The following BCL11B variants were observed in gnomAD, a reference collection of about 807,000 sequenced individuals.
The protein encoded by BCL11B is B-cell lymphoma/leukemia 11B.
A neutral mutation model predicts 49.9 loss-of-function variants in BCL11B; 8 were observed. The ratio of observed to expected loss-of-function variants is 0.16; its 90% CI spans 0.09 to 0.29. The LOEUF is 0.29. BCL11B is among the 10% of genes least tolerant of loss of function. The pLI, the probability that BCL11B is intolerant of heterozygous loss-of-function variation, is 1.00. For missense variants in BCL11B, 1,006 were observed against 1,351.0 expected (o/e 0.74, Z 4.00); for synonymous variants, 739 against 637.4 (o/e 1.16, Z -2.40).
In BCL11B at chr14:99,183,099, A is replaced by T. The variant is rs112829216; in HGVS notation, c.641-6904T>A. Among the ~76,000 whole-genome samples the T allele has an allele frequency of 3.7e-3, 558 of 152,232 alleles. 5 individuals carry two copies. The highest frequency in any genetic ancestry group is 0.013 in the African/African-American group (523 of 41,520). Reference sequence around the variant, plus strand: ...CCCCCAGTAACCACTCCATTATTTAATGCAAATTATGAGTGACGCTAGGAG... The same window carrying T: ...CCCCCAGTAACCACTCCATTATTTATTGCAAATTATGAGTGACGCTAGGAG... On this transcript the variant is annotated intron_variant, in intron 3 of 3. Transcript: ENST00000357195.
intron 3 of BCL11B, among the ~76,000 whole-genome samples, chr14:99,219,408 C>T (rs1253399158): frequency 6.6e-6 from 1 of 152,184 alleles, no homozygotes; most frequent in Non-Finnish European, 1.5e-5. Context: ...GACACCAATA[C>T]AGGACAATAG....
rs1325977395 is a variant in BCL11B, at chr14:99,231,108, A to T, written c.640+237T>A. Among the ~76,000 whole-genome samples the T allele has an allele frequency of 6.6e-6, 1 of 152,184 alleles. No homozygotes were observed. Among genetic ancestry groups the T allele is most frequent in the Non-Finnish European group, 1.5e-5 (1 of 68,018 alleles). ...GCGGGATTGGGAGGCTGGGGAATGC[A>T]TTCTGGGAGCAAGACTCTCAGAACG... On this transcript the variant is annotated intron_variant, in intron 3 of 3. Coordinates refer to ENST00000357195, the MANE Select transcript of BCL11B (RefSeq NM_138576.4). The surrounding 1 kb of genome is among the most constrained non-coding windows in gnomAD (Gnocchi z 8.1).
intron 1 of BCL11B, among the ~76,000 whole-genome samples, chr14:99,269,852 G>A (rs1430956044): frequency 8.3e-6 from 1 of 120,024 alleles, no homozygotes; most frequent in Non-Finnish European, 1.6e-5. Context: ...GGCACCCAGA[G>A]GATGTTTTAT....
chr14:99,246,299 C>G (rs1026253446), intron 2 of BCL11B, among the ~76,000 whole-genome samples: 3 of 152,224 alleles, frequency 2.0e-5, no homozygotes, highest in Non-Finnish European at 4.4e-5. Flanking sequence ...ATTAAGCCCC[C>G]GAATTATGCA....
chr14:99,251,832 G>A (rs1482543349), intron 2 of BCL11B, among the ~76,000 whole-genome samples: 1 of 152,150 alleles, frequency 6.6e-6, no homozygotes, highest in Admixed American at 6.5e-5. Flanking sequence ...CAGCCAGACA[G>A]ACAGAGTTAG....
At chr14:99,217,493 A>C (rs541541355) in intron 3 of BCL11B, among the ~76,000 whole-genome samples, 1 of 152,114 alleles carries the variant, frequency 6.6e-6, no homozygotes, top group Non-Finnish European at 1.5e-5. Context: ...AGAAAATTAC[A>C]TGAGGCAATG....
rs771413857 is a variant in BCL11B at position 99,175,740 on chromosome 14, G to T, written c.1096C>A (p.Arg366=). The change falls in exon 4 of 4, where the codon CGG becomes AGG. Residue 366 remains arginine, a synonymous_variant. Coordinates refer to ENST00000357195, the MANE Select transcript of BCL11B (RefSeq NM_138576.4). ...IDSPAMDFSR[R]LRELAGNSST... is the part of the protein sequence containing the mutation. Reference sequence around the variant, plus strand: ...CTGTTGCCCGCCAGCTCGCGGAGCCGCCGCGAGAAGTCCATGGCGGGCGAG... The same window carrying T: ...CTGTTGCCCGCCAGCTCGCGGAGCCTCCGCGAGAAGTCCATGGCGGGCGAG... 3.4e-5 allele frequency: 51 copies of T among 1,479,140 alleles called. No homozygotes were observed. The highest frequency in any genetic ancestry group is 4.0e-5 in the Non-Finnish European group (45 of 1,130,484). The allele number at this position is 1,479,140 out of a possible 1,614,324, so 91.6% of individuals were successfully genotyped here.
intron 2 of BCL11B, among the ~76,000 whole-genome samples, chr14:99,250,779 C>T (rs774745842): frequency 9.9e-5 from 15 of 152,190 alleles, no homozygotes; most frequent in Admixed American, 2.0e-4. Flanking sequence ...CTTTTTCTTA[C>T]CTTATCTCTC....
chr14:99,197,355 T>G (rs1887207130), intron 3 of BCL11B, among the ~76,000 whole-genome samples: 1 of 152,194 alleles, frequency 6.6e-6, no homozygotes, highest in Admixed American at 6.5e-5. Context: ...CTCTTGCCAG[T>G]CAGCTGAAGT....
At chr14:99,252,857 C>T (rs1331932298) in intron 2 of BCL11B, among the ~76,000 whole-genome samples, 1 of 152,244 alleles carries the variant, frequency 6.6e-6, no homozygotes, top group East Asian at 1.9e-4. Context: ...TGATCAAGCG[C>T]CTCCCCTTCA....
rs1460285746 is a variant in BCL11B at position 99,175,337 on chromosome 14, G to C, written c.1499C>G (p.Pro500Arg). The C allele has an allele frequency of 6.4e-7, 1 of 1,552,734 alleles. No individual in the cohort carries two copies. Among genetic ancestry groups the C allele is most frequent in the Non-Finnish European group, 8.7e-7 (1 of 1,154,792 alleles). ...CTCGCCCGCCAGCTCGCTGGTGCCG[G>C]GCTCGGGGGAGCTGGCGGCCGAGAG... ...DGLSAASSPE[P>R]GTSELAGEGL... The change falls in exon 4 of 4, where the codon CCC becomes CGC. Residue 500 changes from proline to arginine, a missense_variant. Physicochemically the swap from Pro to Arg is moderately radical, Grantham distance 103 (BLOSUM62 -2). Transcript: ENST00000357195.
At position 99,171,721 on chromosome 14, in the gene BCL11B, T is replaced by C. The variant is rs1882104568; in HGVS notation, c.*2430A>G. 5.0e-6 allele frequency: 1 copy of C among 200,758 alleles called. No homozygotes were observed. Among genetic ancestry groups the C allele is most frequent in the South Asian group, 1.9e-4 (1 of 5,284 alleles). The allele number at this position is 200,758 out of a possible 1,614,324, so 12.4% of individuals were successfully genotyped here. On this transcript the variant is annotated 3_prime_UTR_variant, in exon 4 of 4. Transcript: ENST00000357195. ...ATCCCCAAATACAAGTTTCTATACA[T>C]TTTTTTTGAAATAAAAATTCAACAC...
intron 1 of BCL11B, among the ~76,000 whole-genome samples, chr14:99,268,893 G>C (rs896896739): frequency 2.0e-5 from 3 of 152,078 alleles, no homozygotes; most frequent in Admixed American, 6.5e-5. Context: ...GCTTTCCCCA[G>C]CGTGGCTCTG....
intron 3 of BCL11B, among the ~76,000 whole-genome samples, chr14:99,199,729 T>A (rs1386216736): frequency 1.4e-5 from 2 of 138,428 alleles, no homozygotes; most frequent in African/African-American, 5.0e-5. Context: ...TGCATGCATA[T>A]GTGTGTGTGT....
chr14:99,266,830 T>G (rs1264169086), intron 1 of BCL11B, among the ~76,000 whole-genome samples: 2 of 152,180 alleles, frequency 1.3e-5, no homozygotes, highest in Non-Finnish European at 2.9e-5. Context: ...GAAAGTATTT[T>G]ATCACAACAA....
At chr14:99,214,213 C>T (rs1221575238) in intron 3 of BCL11B, among the ~76,000 whole-genome samples, 1 of 152,148 alleles carries the variant, frequency 6.6e-6, no homozygotes, top group Non-Finnish European at 1.5e-5. Context: ...CAGCCTACTG[C>T]CCTCCACTCC....
At chr14:99,258,684 C>A (rs760895889) in intron 1 of BCL11B, among the ~76,000 whole-genome samples, 52 of 152,204 alleles carry the variant, frequency 3.4e-4, no homozygotes, top group Non-Finnish European at 6.3e-4. Context: ...ACCCGAGGCC[C>A]GGTCAGACTT....
rs143287703 is a variant in BCL11B, at chr14:99,208,574, G to A, written c.640+22771C>T. ...AGCTAACCCAAGCAAGACCGAGCACGGGGCTGCACTTAACAAGAGGAAAGG... is the reference window on the plus strand; with the variant it reads ...AGCTAACCCAAGCAAGACCGAGCACAGGGCTGCACTTAACAAGAGGAAAGG... On this transcript the variant is annotated intron_variant, in intron 3 of 3. Transcript: ENST00000357195. 4.5e-3 allele frequency among the ~76,000 whole-genome samples: 682 copies of A among 152,300 alleles called. 4 individuals carry two copies. The highest frequency in any genetic ancestry group is 0.015 in the African/African-American group (644 of 41,564).
At chr14:99,245,797 C>T (rs1418854602) in intron 2 of BCL11B, among the ~76,000 whole-genome samples, 1 of 152,098 alleles carries the variant, frequency 6.6e-6, no homozygotes, top group Admixed American at 6.5e-5. Context: ...GGGGCGGCCC[C>T]GTGCGCACAA....
Sources: allele counts gnomAD v4.1 joint callset (sites outside exome capture counted in the v4.1 genomes callset), GRCh38; gene constraint gnomAD v4.1.1; non-coding constraint Gnocchi (gnomAD v3.1); transcripts MANE v1.5; gene names NCBI Gene and HGNC (gene_info 2026-07-23, HGNC 2026-07-21).